SYNCRIP: variants seen among roughly 807,000 people sequenced by gnomAD.
SYNCRIP encodes the protein heterogeneous nuclear ribonucleoprotein Q.
Under a neutral mutation model 68.9 loss-of-function variants are expected in SYNCRIP, and 9 were observed. The observed-to-expected ratio is 0.13, with a 90% CI of 0.08 to 0.23. SYNCRIP has a LOEUF of 0.23. Ranked by LOEUF, SYNCRIP falls within the 10% of genes least tolerant of loss-of-function variation. SYNCRIP has a pLI of 1.00. For missense variants in SYNCRIP, 414 were observed against 770.6 expected (o/e 0.54, Z 5.48); for synonymous variants, 258 against 254.0 (o/e 1.02, Z -0.15).
At chr6:85,639,151 T>C (rs925061780) in intron 4 of SYNCRIP, among the ~76,000 whole-genome samples, 1 of 152,110 alleles carries the variant, frequency 6.6e-6, no homozygotes, top group South Asian at 2.1e-4. Context: ...GAGGTTGCAG[T>C]GAGCCAAGAT....
chr6:85,631,797 G>A (rs1037244356), intron 6 of SYNCRIP, among the ~76,000 whole-genome samples: 2 of 152,168 alleles, frequency 1.3e-5, no homozygotes, highest in Non-Finnish European at 2.9e-5. Context: ...CATCAAACTA[G>A]GGCTGGGATG....
downstream of SYNCRIP, chr6:85,610,530 T>C (rs1805158669): frequency 6.6e-6 from 1 of 152,034 alleles, no homozygotes; most frequent in South Asian, 2.1e-4. Context: ...AAGAACACAT[T>C]TGTGAACTCA....
Position 85,630,729 on chromosome 6 carries a change from TAGAG to T in SYNCRIP, c.666+6234_666+6237del, listed in dbSNP as rs1185809838. ...TGGTCCATGAGTTACATAAGAATAT[TAGAG>T]AGCACTGGTCAGCAAGTCAGGTTAT... is the stretch of plus-strand genomic sequence containing the variant. On this transcript the variant is annotated intron_variant, in intron 6 of 10. Transcript: ENST00000369622. 4.7e-4 allele frequency among the ~76,000 whole-genome samples: 72 copies of T among 152,088 alleles called. 2 individuals carry two copies. The highest frequency in any genetic ancestry group is 7.4e-5 in the Non-Finnish European group (5 of 68,022).
At chr6:85,640,646 T>C (rs187409791) in intron 2 of SYNCRIP, 82 bp from the exon 3 acceptor site, 16 of 768,574 alleles carry the variant, frequency 2.1e-5, no homozygotes, top group Admixed American at 3.1e-5. Flanking sequence ...TACAGGTACA[T>C]GTGTGCCTTT....
chr6:85,639,654 T>C (rs756786990), intron 4 of SYNCRIP, among the ~76,000 whole-genome samples: 64 of 152,096 alleles, frequency 4.2e-4, no homozygotes, highest in Non-Finnish European at 5.9e-4. Context: ...AACTCACCAA[T>C]ATAAATATCA....
chr6:85,614,691 T>C lies in SYNCRIP; in HGVS notation c.*65A>G. 1 of 1,482,818 alleles carries C rather than the reference T, an allele frequency of 6.7e-7. No individual in the cohort carries two copies. The highest frequency in any genetic ancestry group is 9.0e-7 in the Non-Finnish European group (1 of 1,117,000). 91.9% of individuals were successfully genotyped at this position (1,482,818 alleles called of 1,614,324 possible). A position where few individuals can be genotyped will look rare whatever the true frequency, so the allele number is the denominator to read the frequency against. ...ATGTCACAAATTATAGCGGCACCCGTTCAGATTTAGGGTGAGTTTCTGATC... is the reference window on the plus strand; with the variant it reads ...ATGTCACAAATTATAGCGGCACCCGCTCAGATTTAGGGTGAGTTTCTGATC... On this transcript the variant is annotated 3_prime_UTR_variant, in exon 11 of 11. Coordinates refer to ENST00000369622, the MANE Select transcript of SYNCRIP (RefSeq NM_006372.5).
chr6:85,642,401 G>C (rs1031448825), intron 1 of SYNCRIP, among the ~76,000 whole-genome samples: 1 of 152,168 alleles, frequency 6.6e-6, no homozygotes, highest in African/African-American at 2.4e-5. Context: ...AGGGCGTTCA[G>C]CGGACGGCTC....
At chr6:85,639,535 C>T (rs1002490319) in intron 4 of SYNCRIP, among the ~76,000 whole-genome samples, 2 of 152,180 alleles carry the variant, frequency 1.3e-5, no homozygotes, top group Non-Finnish European at 2.9e-5. Flanking sequence ...AAGGCCTATA[C>T]CCTTAACTGA....
chr6:85,615,195 C>G lies in SYNCRIP; in HGVS notation c.1433G>C (p.Arg478Pro). The change falls in exon 11 of 11, where the codon CGT becomes CCT. Residue 478 changes from arginine to proline, a missense_variant. Arg to Pro is a moderately radical substitution (Grantham distance 103). Coordinates refer to ENST00000369622, the MANE Select transcript of SYNCRIP (RefSeq NM_006372.5). ...ATAGTATGGATCTTCATATCCACCA[C>G]GATAGTTATGGTAATCATAACCATA... ...DYYGYDYHNY[R>P]GGYEDPYYGY... 6.2e-7 allele frequency: 1 copy of G among 1,611,288 alleles called. No homozygotes were observed. Among genetic ancestry groups the G allele is most frequent in the Non-Finnish European group, 8.5e-7 (1 of 1,178,604 alleles).
At chr6:85,643,266 C>G (rs1443785326), upstream of SYNCRIP, 2 of 152,492 alleles carry the variant, frequency 1.3e-5, no homozygotes, top group African/African-American at 4.8e-5. Context: ...CTCGCTCGCA[C>G]TCTCGGCCCG....
rs778520705 is a variant in SYNCRIP, at chr6:85,640,224, A to G, written c.372T>C (p.Ile124=). The G allele has an allele frequency of 8.7e-6, 14 of 1,608,642 alleles. No homozygotes were observed. The Admixed American group carries it at 2.3e-4, about 27-fold the overall frequency. Residue 124 remains isoleucine, a synonymous_variant, in exon 4 of 11, where the codon ATT becomes ATC. Transcript: ENST00000369622. The stretch of plus-strand genomic sequence containing the variant: ...AAGGGAGTATAGAAAGACATACCTT[A>G]ATTTTTGCCTCATCTGGTCCTTTAC... ...DSSKGPDEAK[I]KALLERTGYT...
intron 6 of SYNCRIP, 102 bp downstream of exon 6, chr6:85,636,865 T>A: frequency 8.6e-7 from 1 of 1,166,774 alleles, no homozygotes. Context: ...CCTAAATCAG[T>A]ACTTCAAAAA....
Position 85,623,579 on chromosome 6 carries a change from A to AAAAACAAAAAAAAAAAAC in SYNCRIP, c.802+397_802+398insGTTTTTTTTTTTTGTTTT, listed in dbSNP as rs1554184895. Among the ~76,000 whole-genome samples the AAAAACAAAAAAAAAAAAC allele has an allele frequency of 5.8e-3, 733 of 125,858 alleles. 21 individuals carry two copies. The highest frequency in any genetic ancestry group is 8.8e-3 in the Non-Finnish European group (497 of 56,500). 82.6% of individuals were successfully genotyped at this position (125,858 alleles called of 152,430 possible). ...ACTGTCTCCAAAAAAAAAAAAAAAA[A>AAAAACAAAAAAAAAAAAC]AAAACACTCTGCTACGGCAATACTT... On this transcript the variant is annotated intron_variant, in intron 7 of 10. Coordinates refer to ENST00000369622, the MANE Select transcript of SYNCRIP (RefSeq NM_006372.5).
chr6:85,633,905 A>G (rs1808128531), intron 6 of SYNCRIP, among the ~76,000 whole-genome samples: 1 of 152,152 alleles, frequency 6.6e-6, no homozygotes. Context: ...TACAGGTGTG[A>G]GCAACCACAC....
At chr6:85,642,523 C>G (rs528547257) in intron 1 of SYNCRIP, among the ~76,000 whole-genome samples, 1 of 152,176 alleles carries the variant, frequency 6.6e-6, no homozygotes, top group Non-Finnish European at 1.5e-5. Flanking sequence ...AGCACCAACT[C>G]TGAAGCCGCT....
chr6:85,629,516 C>CAAAAAATAAA (rs1807459052), intron 6 of SYNCRIP, among the ~76,000 whole-genome samples: 1 of 64,924 alleles, frequency 1.5e-5, no homozygotes, highest in East Asian at 5.1e-4. Context: ...ACTAAAAATA[C>CAAAAAATAAA]AAAAAAAAAA....
chr6:85,637,900 A>G (rs1808638751), intron 4 of SYNCRIP, among the ~76,000 whole-genome samples: 2 of 152,236 alleles, frequency 1.3e-5, no homozygotes, highest in Admixed American at 1.3e-4. Context: ...GCCATATTTC[A>G]TGGGATAGCA....
At chr6:85,609,695 T>C (rs1391815457), downstream of SYNCRIP, 6 of 151,964 alleles carry the variant, frequency 3.9e-5, no homozygotes, top group Admixed American at 3.9e-4. Flanking sequence ...ATAACCTAAA[T>C]TTATGATCAC....
chr6:85,623,562 CAAAAAAA>C (rs67258131), intron 7 of SYNCRIP, among the ~76,000 whole-genome samples: 4 of 63,240 alleles, frequency 6.3e-5, no homozygotes, highest in African/African-American at 2.7e-4. Flanking sequence ...AGACTGTCTC[CAAAAAAA>C]AAAAAAAAAA....
Sources: gnomAD v4.1 joint callset for allele counts (sites outside exome capture counted in the v4.1 genomes callset) on GRCh38, gnomAD v4.1.1 for gene constraint, MANE v1.5 for transcripts, NCBI Gene and HGNC (gene_info 2026-07-23, HGNC 2026-07-21) for gene names.